The following APP variants were observed in gnomAD, a reference collection of about 807,000 sequenced individuals.
APP encodes the protein amyloid beta precursor protein.
A neutral mutation model predicts 101.4 loss-of-function variants in APP; 31 were observed. That is an observed-to-expected ratio of 0.31 (90% CI 0.23 to 0.41). The LOEUF is 0.41. APP is among the 10% of genes least tolerant of loss of function. APP has a pLI of 1.00. For synonymous variants in APP, 366 were observed against 364.4 expected (o/e 1.00, Z -0.05); for missense variants, 839 against 1,003.7 (o/e 0.84, Z 2.22).
intron 17 of APP, among the ~76,000 whole-genome samples, chr21:25,884,635 C>T (rs2037205954): frequency 6.6e-6 from 1 of 152,196 alleles, no homozygotes; most frequent in Non-Finnish European, 1.5e-5. Flanking sequence ...GCCATTTGAA[C>T]TTGGGCATCA....
rs182474223 is a variant in APP at position 26,170,517 on chromosome 21, G to A, written c.57+47C>T. The A allele has an allele frequency of 5.2e-6, 8 of 1,527,876 alleles. No individual in the cohort carries two copies. The Admixed American group carries it at 1.4e-4, about 26-fold the overall frequency. The allele number at this position is 1,527,876 out of a possible 1,614,324, so 94.6% of individuals were successfully genotyped here. ...GGGTTAAGGTCTTGGGGGGTATCGC[G>A]TCCCCACCGTGCAGCCTCCCCCCGC... is the stretch of plus-strand genomic sequence containing the variant. On this transcript the variant is annotated intron_variant, in intron 1 of 17. Transcript: ENST00000346798.
chr21:25,951,461 T>A (rs2041071452), intron 13 of APP, among the ~76,000 whole-genome samples: 1 of 152,222 alleles, frequency 6.6e-6, no homozygotes, highest in Non-Finnish European at 1.5e-5. Flanking sequence ...ACATCCTAAT[T>A]GCTTGTATTT....
rs1443954754 is a variant in APP at position 25,881,773 on chromosome 21, T to TG, written c.2212-3dup. ...CTCTGGGGTGACAGCGGCGTCAACC[T>TG]GAAAAACAAGAGGAGAGCTGAGTAA... On this transcript the variant is annotated splice_region_variant and splice_polypyrimidine_tract_variant and intron_variant, in intron 17 of 17. Coordinates refer to ENST00000346798, the MANE Select transcript of APP (RefSeq NM_000484.4). 6.2e-7 allele frequency: 1 copy of TG among 1,613,214 alleles called. No individual in the cohort carries two copies.
intron 11 of APP, among the ~76,000 whole-genome samples, chr21:25,960,365 T>G (rs216759): frequency 1 from 152,226 of 152,228 alleles, 76,112 homozygotes; most frequent in Non-Finnish European, 1. Context: ...AAACTTGTTC[T>G]TGGAGGCCTG....
chr21:25,926,251 A>G (rs1486538400), intron 13 of APP, among the ~76,000 whole-genome samples: 4 of 152,214 alleles, frequency 2.6e-5, no homozygotes, highest in African/African-American at 9.6e-5. Context: ...CCCAGAAAAG[A>G]GCAGCTCTCC....
chr21:25,930,504 C>T (rs2040096129), intron 13 of APP, among the ~76,000 whole-genome samples: 1 of 152,094 alleles, frequency 6.6e-6, no homozygotes. Flanking sequence ...AACATCCATA[C>T]ATAGTGAATT....
In APP at chr21:26,090,686, T is replaced by C. The variant is rs184073006; in HGVS notation, c.226-614A>G. Among the ~76,000 whole-genome samples, 356 of 152,298 alleles carry C rather than the reference T, an allele frequency of 2.3e-3. 4 individuals are homozygous for C. The highest frequency in any genetic ancestry group is 8.2e-3 in the African/African-American group (340 of 41,552). ...TAGTCTGTAATGTCCTAAACAAACGTTACAGTAGATATGGCTGGGGATATT... is the reference window on the plus strand; with the variant it reads ...TAGTCTGTAATGTCCTAAACAAACGCTACAGTAGATATGGCTGGGGATATT... On this transcript the variant is annotated intron_variant, in intron 2 of 17. Transcript: ENST00000346798.
intron 1 of APP, among the ~76,000 whole-genome samples, chr21:26,122,089 G>C (rs772075313): frequency 1.3e-5 from 2 of 152,192 alleles, no homozygotes; most frequent in Non-Finnish European, 2.9e-5. Flanking sequence ...GGAAAAAGAA[G>C]CATATTCCTC....
intron 3 of APP, among the ~76,000 whole-genome samples, chr21:26,072,974 C>T (rs1252603324): frequency 6.6e-6 from 1 of 152,060 alleles, no homozygotes; most frequent in African/African-American, 2.4e-5. Context: ...AACTGGTGTA[C>T]ATCTTAGAAG....
At chr21:26,102,301 G>C (rs1254954460) in intron 2 of APP, among the ~76,000 whole-genome samples, 3 of 151,840 alleles carry the variant, frequency 2.0e-5, no homozygotes, top group Admixed American at 6.6e-5. Context: ...GTGTTAGCCG[G>C]GATGGTCTCG....
intron 8 of APP, among the ~76,000 whole-genome samples, chr21:25,994,186 T>C (rs1424075566): frequency 2.0e-5 from 3 of 152,244 alleles, no homozygotes; most frequent in African/African-American, 7.2e-5. Flanking sequence ...CAAATATTTA[T>C]ATAATTTTAT....
intron 2 of APP, among the ~76,000 whole-genome samples, chr21:26,105,473 C>CGTT (rs1257737861): frequency 6.6e-6 from 1 of 151,852 alleles, no homozygotes; most frequent in Non-Finnish European, 1.5e-5. Flanking sequence ...TTTTCCTTGC[C>CGTT]GTTCCTAGCA....
At chr21:25,884,878 C>T (rs1488958969) in intron 17 of APP, among the ~76,000 whole-genome samples, 1 of 152,202 alleles carries the variant, frequency 6.6e-6, no homozygotes, top group Non-Finnish European at 1.5e-5. Context: ...GAACACCTGG[C>T]AATTTGATAG....
intron 14 of APP, among the ~76,000 whole-genome samples, chr21:25,906,373 G>GC (rs1278189057): frequency 4.0e-3 from 1 of 250 alleles, no homozygotes; most frequent in Admixed American, 0.062. Flanking sequence ...TGTGGCCTTG[G>GC]GATGCGCCAC....
At chr21:25,986,622 C>T (rs1035215045) in intron 8 of APP, among the ~76,000 whole-genome samples, 4 of 73,512 alleles carry the variant, frequency 5.4e-5, no homozygotes, top group African/African-American at 9.7e-5. Flanking sequence ...ATCGCTTGAA[C>T]CTGGGAGGCG....
At chr21:26,131,262 A>G (rs151015034) in intron 1 of APP, among the ~76,000 whole-genome samples, 3,670 of 152,106 alleles carry the variant, frequency 0.024, 151 homozygotes, top group African/African-American at 0.084. Context: ...TAAATTAATT[A>G]ATTAATTTAA....
chr21:26,168,293 A>T (rs1030048097), intron 1 of APP, among the ~76,000 whole-genome samples: 1 of 152,122 alleles, frequency 6.6e-6, no homozygotes, highest in African/African-American at 2.4e-5. Flanking sequence ...CCTATTTTCT[A>T]AGCTCTATAA....
At chr21:26,054,084 T>A (rs2045942230) in intron 3 of APP, among the ~76,000 whole-genome samples, 1 of 152,210 alleles carries the variant, frequency 6.6e-6, no homozygotes, top group South Asian at 2.1e-4. Flanking sequence ...ACTGCAATAT[T>A]CCCAGCTTTT....
chr21:26,142,488 G>C (rs1232808363), intron 1 of APP, among the ~76,000 whole-genome samples: 1 of 152,198 alleles, frequency 6.6e-6, no homozygotes, highest in East Asian at 1.9e-4. Context: ...TGTCACTGGG[G>C]CCAGGCACGG....
Sources: allele counts gnomAD v4.1 joint callset (sites outside exome capture counted in the v4.1 genomes callset), GRCh38; gene constraint gnomAD v4.1.1; transcripts MANE v1.5; gene names NCBI Gene and HGNC (gene_info 2026-07-23, HGNC 2026-07-21).